VTI1A: variants seen among roughly 807,000 people sequenced by gnomAD.
VTI1A encodes vesicle transport through interaction with t-SNAREs homolog 1A.
Under a neutral mutation model 34.9 loss-of-function variants are expected in VTI1A, and 22 were observed. That is an observed-to-expected ratio of 0.63 (90% CI 0.45 to 0.90). The LOEUF (loss-of-function observed/expected upper bound fraction) is 0.90, where lower values mean the gene tolerates loss of function less well. Among genes scored for constraint, VTI1A ranks in the 40% least tolerant of loss-of-function variants. The pLI is 0.00. For synonymous variants in VTI1A, 87 were observed against 97.3 expected, an observed-to-expected ratio of 0.89 and a Z score of 0.62; for missense variants, 268 against 275.6, an observed-to-expected ratio of 0.97 and a Z score of 0.20.
the VTI1A span, among the ~76,000 whole-genome samples, chr10:112,833,069 ATGTTACCATGCTT>A: frequency 0.041 from 6,276 of 152,234 alleles, 177 homozygotes; most frequent in African/African-American, 0.08. Context: ...AAGAGTTCAC[ATGTTACCATGCTT>A]TAAGCACACC....
chr10:112,496,050 C>T (rs1033716026), intron 3 of VTI1A, among the ~76,000 whole-genome samples: 2 of 152,140 alleles, frequency 1.3e-5, no homozygotes, highest in African/African-American at 4.8e-5. Flanking sequence ...ACCTAAGATT[C>T]AGCAAATCCC....
At position 112,495,432 on chromosome 10, in the gene VTI1A, T is replaced by C. The variant is rs536832100; in HGVS notation, c.264+30775T>C. Among the ~76,000 whole-genome samples, 7 of 152,240 alleles carry C rather than the reference T, an allele frequency of 4.6e-5. No homozygotes were observed. The South Asian group carries it at 1.0e-3, about 23-fold the overall frequency. On this transcript the variant is annotated intron_variant, in intron 3 of 7. Coordinates refer to ENST00000393077, the MANE Select transcript of VTI1A (RefSeq NM_145206.4). ...GGAATTAAGGATAAAGTCCCAAGTT[T>C]CTATCTTGAATGACTAGGTGTTTCA... is the stretch of plus-strand genomic sequence containing the variant.
intron 5 of VTI1A, among the ~76,000 whole-genome samples, chr10:112,666,635 T>C (rs1438738651): frequency 5.9e-5 from 9 of 152,090 alleles, no homozygotes; most frequent in African/African-American, 1.9e-4. Context: ...ACCCTATAGC[T>C]TCCACAACAT....
At chr10:112,829,443 C>CG in the VTI1A span, among the ~76,000 whole-genome samples, 1 of 83,976 alleles carries the variant, frequency 1.2e-5, no homozygotes, top group Non-Finnish European at 2.1e-5. Flanking sequence ...GACTCCGTCT[C>CG]GAAAAAAAAA....
chr10:112,812,681 C>T (rs1253009465), intron 7 of VTI1A, among the ~76,000 whole-genome samples: 1 of 152,118 alleles, frequency 6.6e-6, no homozygotes, highest in Admixed American at 6.5e-5. Flanking sequence ...GCTTAGAGCT[C>T]TCTCTATTCC....
At chr10:112,827,930 A>G in the VTI1A span, among the ~76,000 whole-genome samples, 9 of 150,814 alleles carry the variant, frequency 6.0e-5, no homozygotes, top group Non-Finnish European at 1.2e-4. Flanking sequence ...TTTTTCTTTA[A>G]TTTCCCAAAA....
At chr10:112,628,503 T>G (rs1846005589) in intron 5 of VTI1A, among the ~76,000 whole-genome samples, 1 of 152,158 alleles carries the variant, frequency 6.6e-6, no homozygotes, top group African/African-American at 2.4e-5. Flanking sequence ...ATTTTAAAAT[T>G]GGGCCATCAA....
At position 112,818,439 on chromosome 10, in the gene VTI1A, T is replaced by G; in HGVS notation, c.*3056T>G. The G allele has an allele frequency of 4.3e-6, 1 of 231,650 alleles. No homozygotes were observed. The highest frequency in any genetic ancestry group is 8.6e-6 in the Non-Finnish European group (1 of 116,934). 14.3% of individuals were successfully genotyped at this position (231,650 alleles called of 1,614,324 possible). A position where few individuals can be genotyped will look rare whatever the true frequency, so the allele number is the denominator to read the frequency against. On this transcript the variant is annotated 3_prime_UTR_variant, in exon 8 of 8. Transcript: ENST00000393077. ...GAAAGGAAAAGCAACTGTCTTTCTC[T>G]CCCTCTCTTTCTCCTTTTTTTTTGC...
chr10:112,569,997 C>A (rs997806416), intron 5 of VTI1A, among the ~76,000 whole-genome samples: 4 of 152,156 alleles, frequency 2.6e-5, no homozygotes, highest in African/African-American at 9.7e-5. Context: ...TTCAGTACCA[C>A]CAATTCCCTG....
At chr10:112,699,521 T>A (rs1848914479) in intron 7 of VTI1A, among the ~76,000 whole-genome samples, 1 of 152,256 alleles carries the variant, frequency 6.6e-6, no homozygotes, top group African/African-American at 2.4e-5. Context: ...TTTAGCCATC[T>A]TTTTGGATCC....
intron 7 of VTI1A, among the ~76,000 whole-genome samples, chr10:112,811,600 C>G (rs1044836989): frequency 2.1e-5 from 3 of 141,170 alleles, no homozygotes; most frequent in Admixed American, 1.5e-4. Context: ...GGGAGAATGG[C>G]GTGAGCCCGG....
chr10:112,536,789 T>A (rs948765019), intron 4 of VTI1A, among the ~76,000 whole-genome samples: 4 of 143,398 alleles, frequency 2.8e-5, no homozygotes, highest in Admixed American at 7.1e-5. Context: ...AAAGCTTTGA[T>A]GTGGCTTTAG....
chr10:112,593,444 G>C (rs1233058657), intron 5 of VTI1A, among the ~76,000 whole-genome samples: 2 of 152,222 alleles, frequency 1.3e-5, no homozygotes, highest in Non-Finnish European at 2.9e-5. Flanking sequence ...CCTCTTCAGA[G>C]CATGTGGGTG....
intron 1 of VTI1A, chr10:112,450,629 A>G (rs938631306): frequency 2.3e-4 from 35 of 152,378 alleles, no homozygotes; most frequent in African/African-American, 8.4e-4. Context: ...TTGCTTCCAA[A>G]GAGAACAGAA....
intron 3 of VTI1A, among the ~76,000 whole-genome samples, chr10:112,492,509 G>A (rs1310782962): frequency 6.6e-6 from 1 of 152,040 alleles, no homozygotes; most frequent in African/African-American, 2.4e-5. Context: ...AAACAAATTG[G>A]CCAGGCACAG....
intron 7 of VTI1A, among the ~76,000 whole-genome samples, chr10:112,761,770 C>CTCTGTGTG (rs140047735): frequency 6.9e-6 from 1 of 145,826 alleles, no homozygotes; most frequent in African/African-American, 2.5e-5. Flanking sequence ...CTTTCTTTCT[C>CTCTGTGTG]TGTGTGTGTG....
At chr10:112,603,768 T>A (rs951134958) in intron 5 of VTI1A, among the ~76,000 whole-genome samples, 1 of 151,958 alleles carries the variant, frequency 6.6e-6, no homozygotes, top group African/African-American at 2.4e-5. Context: ...AGCAACCCAC[T>A]CCCTCCCAAT....
chr10:112,535,606 G>A (rs995110331), intron 4 of VTI1A, among the ~76,000 whole-genome samples: 5 of 152,156 alleles, frequency 3.3e-5, no homozygotes, highest in African/African-American at 9.7e-5. Context: ...GCCGAGCTCC[G>A]TTTGAATCCT....
intron 5 of VTI1A, chr10:112,538,576 A>G: frequency 2.5e-6 from 1 of 403,074 alleles, no homozygotes; most frequent in Non-Finnish European, 4.5e-6. Context: ...TACTTTGTCT[A>G]AATTCTACAT....
Sources: allele counts gnomAD v4.1 joint callset (sites outside exome capture counted in the v4.1 genomes callset), GRCh38; gene constraint gnomAD v4.1.1; transcripts MANE v1.5; gene names NCBI Gene and HGNC (gene_info 2026-07-23, HGNC 2026-07-21).